GALNTL6: variants seen among roughly 807,000 people sequenced by gnomAD.
GALNTL6 encodes polypeptide N-acetylgalactosaminyltransferase like 6.
A neutral mutation model predicts 73.7 loss-of-function variants in GALNTL6; 46 were observed. That is an observed-to-expected ratio of 0.62 (90% CI 0.49 to 0.80). The LOEUF is 0.80. Ranked by LOEUF, GALNTL6 falls within the 30% of genes least tolerant of loss-of-function variation. The probability of loss-of-function intolerance (pLI) is 0.00; values close to 1 mark genes in which losing one functional copy is unlikely to be tolerated. For synonymous variants in GALNTL6, 259 were observed against 263.7 expected, an observed-to-expected ratio of 0.98 and a Z score of 0.17; for missense variants, 604 against 755.0, an observed-to-expected ratio of 0.80 and a Z score of 2.34.
At chr4:172,893,036 A>G (rs1746122127) in intron 8 of GALNTL6, among the ~76,000 whole-genome samples, 1 of 152,136 alleles carries the variant, frequency 6.6e-6, no homozygotes, top group Non-Finnish European at 1.5e-5. Context: ...TGTGGCACCC[A>G]CGGCCTGCTG....
At chr4:172,431,253 ATTAC>A (rs1326688296) in intron 5 of GALNTL6, among the ~76,000 whole-genome samples, 6 of 152,148 alleles carry the variant, frequency 3.9e-5, no homozygotes, top group African/African-American at 7.2e-5. Context: ...GAATTCAGCT[ATTAC>A]TTACGATGCA....
intron 2 of GALNTL6, among the ~76,000 whole-genome samples, chr4:171,828,684 A>G (rs943164388): frequency 2.0e-5 from 3 of 152,068 alleles, no homozygotes; most frequent in Non-Finnish European, 4.4e-5. Flanking sequence ...CAGTGGCTCA[A>G]TCTCTGCTTA....
intron 5 of GALNTL6, among the ~76,000 whole-genome samples, chr4:172,479,043 G>T (rs191355969): frequency 6.6e-6 from 1 of 152,142 alleles, no homozygotes; most frequent in Non-Finnish European, 1.5e-5. Context: ...TGGTGAAAAA[G>T]AATACCTATA....
chr4:172,180,019 A>T (rs989144529), intron 2 of GALNTL6, among the ~76,000 whole-genome samples: 2 of 152,244 alleles, frequency 1.3e-5, no homozygotes, highest in African/African-American at 4.8e-5. Context: ...AGGAATCGCC[A>T]CACTGTCTTC....
At chr4:172,779,636 GTGTCTT>G (rs1739269752) in intron 5 of GALNTL6, among the ~76,000 whole-genome samples, 1 of 152,222 alleles carries the variant, frequency 6.6e-6, no homozygotes, top group African/African-American at 2.4e-5. Context: ...AGAAAAGCAA[GTGTCTT>G]TTTAGGGGAA....
intron 2 of GALNTL6, among the ~76,000 whole-genome samples, chr4:172,057,319 T>A (rs990029027): frequency 6.6e-6 from 1 of 151,490 alleles, no homozygotes; most frequent in African/African-American, 2.4e-5. Context: ...GAGGCTGAGG[T>A]GGAAGGATCA....
At chr4:172,460,642 A>T (rs1302954685) in intron 5 of GALNTL6, among the ~76,000 whole-genome samples, 5 of 152,268 alleles carry the variant, frequency 3.3e-5, no homozygotes, top group Non-Finnish European at 7.3e-5. Context: ...GTCATTAGAG[A>T]CATGCAAATC....
At chr4:171,912,586 G>T (rs1737507343) in intron 2 of GALNTL6, among the ~76,000 whole-genome samples, 1 of 151,982 alleles carries the variant, frequency 6.6e-6, no homozygotes, top group Admixed American at 6.6e-5. Flanking sequence ...AGACATTTTT[G>T]AAATATACAA....
intron 5 of GALNTL6, among the ~76,000 whole-genome samples, chr4:172,680,122 CAAT>C (rs1267849215): frequency 6.6e-6 from 1 of 152,070 alleles, no homozygotes; most frequent in East Asian, 1.9e-4. Context: ...GAATTAGTAA[CAAT>C]AATAGTGGCA....
intron 2 of GALNTL6, among the ~76,000 whole-genome samples, chr4:172,219,199 G>GTGTATATA (rs1310041553): frequency 8.6e-6 from 1 of 116,206 alleles, no homozygotes; most frequent in African/African-American, 3.3e-5. Flanking sequence ...TTAAGCAAGT[G>GTGTATATA]TATATATATA....
rs336007 is a variant in GALNTL6, at chr4:172,440,706, A to C, written c.553+92017A>C. On this transcript the variant is annotated intron_variant, in intron 5 of 12. Coordinates refer to ENST00000506823, the MANE Select transcript of GALNTL6 (RefSeq NM_001034845.3). Reference sequence around the variant, plus strand: ...ATGTTGGTAATGGAGGAGGCTATGCATGTGTAGAGGCAGGAGGTATATGAG... The same window carrying C: ...ATGTTGGTAATGGAGGAGGCTATGCCTGTGTAGAGGCAGGAGGTATATGAG... Among the ~76,000 whole-genome samples, 59 of 152,260 alleles carry C rather than the reference A, an allele frequency of 3.9e-4. 1 individual carries two copies. Among genetic ancestry groups the C allele is most frequent in the African/African-American group, 1.3e-3 (55 of 41,566 alleles).
rs550232991 is a variant in GALNTL6, at chr4:172,254,618, C to T, written c.247+24854C>T. ...GTAACATTATGTTTTATGTATAGAA[C>T]AGGAGAATAATAAGTCAGAAGAGGA... is the stretch of plus-strand genomic sequence containing the variant. On this transcript the variant is annotated intron_variant, in intron 3 of 12. Coordinates refer to ENST00000506823, the MANE Select transcript of GALNTL6 (RefSeq NM_001034845.3). Among the ~76,000 whole-genome samples, 16 of 151,718 alleles carry T rather than the reference C, an allele frequency of 1.1e-4. No individual in the cohort carries two copies. In the South Asian group the frequency reaches 3.1e-3, roughly 29 times the overall value.
At chr4:172,133,911 T>C (rs1167919291) in intron 2 of GALNTL6, among the ~76,000 whole-genome samples, 2 of 152,220 alleles carry the variant, frequency 1.3e-5, no homozygotes, top group Non-Finnish European at 2.9e-5. Flanking sequence ...CAGATTTTTC[T>C]TGAAGAAAAT....
At chr4:172,203,422 GA>G (rs1254245428) in intron 2 of GALNTL6, among the ~76,000 whole-genome samples, 1 of 152,078 alleles carries the variant, frequency 6.6e-6, no homozygotes, top group Non-Finnish European at 1.5e-5. Flanking sequence ...TCTCAGAAAC[GA>G]TGGCGGTATT....
chr4:172,957,552 G>C (rs1329641695), intron 10 of GALNTL6, among the ~76,000 whole-genome samples: 1 of 152,194 alleles, frequency 6.6e-6, no homozygotes, highest in African/African-American at 2.4e-5. Flanking sequence ...ATTGTCCTGA[G>C]CGATAGGATC....
intron 2 of GALNTL6, among the ~76,000 whole-genome samples, chr4:172,074,000 T>A (rs1332737186): frequency 6.6e-6 from 1 of 152,194 alleles, no homozygotes; most frequent in Non-Finnish European, 1.5e-5. Context: ...GTTAGATCCT[T>A]AACTTCCCCT....
intron 5 of GALNTL6, among the ~76,000 whole-genome samples, chr4:172,778,385 A>G (rs999506324): frequency 2.0e-5 from 3 of 152,244 alleles, no homozygotes; most frequent in Non-Finnish European, 4.4e-5. Context: ...GTAAATAGGG[A>G]CACAAGATTT....
intron 7 of GALNTL6, among the ~76,000 whole-genome samples, chr4:172,821,208 T>C (rs1741907168): frequency 6.6e-6 from 1 of 152,166 alleles, no homozygotes; most frequent in Non-Finnish European, 1.5e-5. Context: ...ATTTTGCAAA[T>C]AGAGTGAGAA....
chr4:172,346,941 G>T (rs1376296555), intron 4 of GALNTL6, among the ~76,000 whole-genome samples: 1 of 150,134 alleles, frequency 6.7e-6, no homozygotes, highest in Non-Finnish European at 1.5e-5. Context: ...ATATGACTCT[G>T]AAAAGTCATG....
Sources: allele counts gnomAD v4.1 joint callset (sites outside exome capture counted in the v4.1 genomes callset), GRCh38; gene constraint gnomAD v4.1.1; transcripts MANE v1.5; gene names NCBI Gene and HGNC (gene_info 2026-07-23, HGNC 2026-07-21).